The following C2orf76 variants were observed in gnomAD, a reference collection of about 807,000 sequenced individuals.
The protein encoded by C2orf76 is chromosome 2 open reading frame 76.
Under a neutral mutation model 16.9 loss-of-function variants are expected in C2orf76, and 23 were observed. The observed-to-expected ratio is 1.36, with a 90% confidence interval of 0.98 to 1.93. C2orf76 has a LOEUF of 1.93. Among genes scored for constraint, C2orf76 ranks in the 30% most tolerant of loss-of-function variants. The pLI is 0.00. For missense variants in C2orf76, 152 were observed against 152.6 expected (o/e 1.00, Z 0.02); for synonymous variants, 48 against 52.3 (o/e 0.92, Z 0.35).
At chr2:119,339,767 G>A (rs1679965302) in intron 2 of C2orf76, 60 bp downstream of exon 2, 1 of 1,466,698 alleles carries the variant, frequency 6.8e-7, no homozygotes, top group Non-Finnish European at 9.4e-7. Flanking sequence ...TATTATTAAT[G>A]TCATAGTCAG....
chr2:119,287,531 A>G, the C2orf76 span, among the ~76,000 whole-genome samples: 7 of 151,878 alleles, frequency 4.6e-5, no homozygotes, highest in African/African-American at 1.7e-4. Flanking sequence ...TTTTTTTTTA[A>G]TAAGACATCA....
intron 1 of C2orf76, among the ~76,000 whole-genome samples, chr2:119,350,348 T>C (rs35097184): frequency 0.081 from 12,401 of 152,166 alleles, 723 homozygotes; most frequent in Middle Eastern, 0.13. Context: ...TTTCAACACA[T>C]AAGACCCAGG....
chr2:119,307,307 G>C (rs1444627438), intron 5 of C2orf76, among the ~76,000 whole-genome samples: 4 of 152,040 alleles, frequency 2.6e-5, no homozygotes, highest in African/African-American at 9.7e-5. Context: ...GGGCGTGGTG[G>C]CACATGCCTG....
intron 5 of C2orf76, among the ~76,000 whole-genome samples, chr2:119,306,661 G>T (rs192742529): frequency 1.5e-4 from 23 of 152,032 alleles, no homozygotes; most frequent in Non-Finnish European, 2.6e-4. Context: ...TTACTTAGGG[G>T]AATTAGCCCA....
intron 1 of C2orf76, among the ~76,000 whole-genome samples, chr2:119,344,508 T>C (rs1049707876): frequency 2.0e-5 from 3 of 152,102 alleles, no homozygotes; most frequent in Admixed American, 6.5e-5. Flanking sequence ...AGGTTCAAAG[T>C]AGTAAAGAAA....
chr2:119,315,462 C>T lies in C2orf76; in HGVS notation c.222+2004G>A, dbSNP rs146625427. ...CTAACAGGCCAAGCCAGCAATGCCA[C>T]AGGCCCCGCAGATGGGGAATAGAAA... On this transcript the variant is annotated intron_variant, in intron 4 of 5. Coordinates refer to ENST00000334816, the MANE Select transcript of C2orf76 (RefSeq NM_001322331.2). 5.4e-3 allele frequency among the ~76,000 whole-genome samples: 821 copies of T among 152,264 alleles called. 8 individuals carry two copies. Among genetic ancestry groups the T allele is most frequent in the African/African-American group, 0.018 (746 of 41,556 alleles).
intron 2 of C2orf76, among the ~76,000 whole-genome samples, chr2:119,322,004 T>G (rs11680785): frequency 0.67 from 101,753 of 151,796 alleles, 34,401 homozygotes; most frequent in African/African-American, 0.74. Context: ...CTCTAACTCC[T>G]CAAAGACAAC....
At chr2:119,328,182 T>C (rs551316662) in intron 2 of C2orf76, among the ~76,000 whole-genome samples, 2 of 152,298 alleles carry the variant, frequency 1.3e-5, no homozygotes, top group African/African-American at 4.8e-5. Context: ...TCTGGAAGAA[T>C]CTCTGTAGAA....
intron 5 of C2orf76, among the ~76,000 whole-genome samples, chr2:119,304,538 A>C (rs1230213062): frequency 6.6e-6 from 1 of 152,218 alleles, no homozygotes; most frequent in Non-Finnish European, 1.5e-5. Flanking sequence ...CTAGCTCTCA[A>C]AATGAGAGTC....
At chr2:119,282,260 G>A in the C2orf76 span, among the ~76,000 whole-genome samples, 2 of 152,148 alleles carry the variant, frequency 1.3e-5, no homozygotes, top group African/African-American at 2.4e-5. Context: ...CACAAACGCC[G>A]CTGGGCTGCA....
At chr2:119,341,011 T>C (rs1346484000) in intron 1 of C2orf76, among the ~76,000 whole-genome samples, 1 of 152,096 alleles carries the variant, frequency 6.6e-6, no homozygotes, top group African/African-American at 2.4e-5. Flanking sequence ...AAGCCCCATG[T>C]ACCCTCCCCA....
chr2:119,365,098 A>T (rs892151652), intron 1 of C2orf76, among the ~76,000 whole-genome samples: 1 of 152,148 alleles, frequency 6.6e-6, no homozygotes, highest in Non-Finnish European at 1.5e-5. Flanking sequence ...GAAAATAATT[A>T]AAAAACAAAA....
the C2orf76 span, among the ~76,000 whole-genome samples, chr2:119,291,135 C>T: frequency 6.6e-6 from 1 of 151,986 alleles, no homozygotes; most frequent in Non-Finnish European, 1.5e-5. Flanking sequence ...GACTTCTCCG[C>T]GTAACGAGGC....
chr2:119,312,119 T>C (rs1679012194), intron 4 of C2orf76, among the ~76,000 whole-genome samples: 1 of 152,218 alleles, frequency 6.6e-6, no homozygotes, highest in Non-Finnish European at 1.5e-5. Flanking sequence ...GTGAGCACTC[T>C]CTCTTAGCTG....
At chr2:119,281,582 T>A in the C2orf76 span, among the ~76,000 whole-genome samples, 1 of 152,158 alleles carries the variant, frequency 6.6e-6, no homozygotes, top group Non-Finnish European at 1.5e-5. Flanking sequence ...CTTTTTAAGG[T>A]ATTTAAAACA....
the C2orf76 span, among the ~76,000 whole-genome samples, chr2:119,282,360 C>G: frequency 6.6e-6 from 1 of 152,342 alleles, no homozygotes; most frequent in East Asian, 1.9e-4. Flanking sequence ...CAGGGTGGGA[C>G]TGTCACTCAC....
chr2:119,300,233 A>G (rs1678595795), downstream of C2orf76, among the ~76,000 whole-genome samples: 1 of 152,166 alleles, frequency 6.6e-6, no homozygotes, highest in South Asian at 2.1e-4. Flanking sequence ...CTACCACACC[A>G]TATTTGCCAC....
At chr2:119,308,850 AGTCTTATTG>A (rs1678881907) in intron 5 of C2orf76, among the ~76,000 whole-genome samples, 1 of 152,212 alleles carries the variant, frequency 6.6e-6, no homozygotes, top group Non-Finnish European at 1.5e-5. Context: ...AACTTGAGAA[AGTCTTATTG>A]GTCAAACCGA....
intron 1 of C2orf76, among the ~76,000 whole-genome samples, chr2:119,360,828 A>G (rs1202101559): frequency 6.6e-6 from 1 of 152,258 alleles, no homozygotes; most frequent in Non-Finnish European, 1.5e-5. Context: ...CATTCACTCA[A>G]CAAGCTAGAT....
Sources: gnomAD v4.1 joint callset for allele counts (sites outside exome capture counted in the v4.1 genomes callset) on GRCh38, gnomAD v4.1.1 for gene constraint, MANE v1.5 for transcripts, NCBI Gene and HGNC (gene_info 2026-07-23, HGNC 2026-07-21) for gene names.